Variants in CXCL13 observed in about 807,000 individuals in gnomAD.
CXCL13 encodes C-X-C motif chemokine 13.
A neutral mutation model predicts 12.2 loss-of-function variants in CXCL13; 7 were observed. The ratio of observed to expected loss-of-function variants is 0.57; its 90% CI spans 0.33 to 1.07. The LOEUF (loss-of-function observed/expected upper bound fraction) is 1.07, where lower values mean the gene tolerates loss of function less well. Ranked by LOEUF, CXCL13 falls within the 50% of genes least tolerant of loss-of-function variation. The probability of loss-of-function intolerance (pLI) is 0.04; values close to 1 mark genes in which losing one functional copy is unlikely to be tolerated. For synonymous variants in CXCL13, 47 were observed against 42.4 expected (o/e 1.11, Z -0.42); for missense variants, 113 against 127.4 (o/e 0.89, Z 0.55).
chr4:77,553,844 A>C (rs945344170), intron 1 of CXCL13, among the ~76,000 whole-genome samples: 5 of 152,164 alleles, frequency 3.3e-5, no homozygotes, highest in Non-Finnish European at 5.9e-5. Flanking sequence ...GCAAAATCCA[A>C]ATATGTAGGA....
At chr4:77,560,142 G>C (rs1369941607) in intron 1 of CXCL13, among the ~76,000 whole-genome samples, 1 of 152,092 alleles carries the variant, frequency 6.6e-6, no homozygotes, top group Non-Finnish European at 1.5e-5. Flanking sequence ...GCCAGGCCCT[G>C]TGCAAGGGTA....
chr4:77,517,511 T>C (rs1458756876), intron 1 of CXCL13, among the ~76,000 whole-genome samples: 1 of 152,220 alleles, frequency 6.6e-6, no homozygotes, highest in African/African-American at 2.4e-5. Flanking sequence ...TGCATATATA[T>C]TTAGGATAGT....
intron 1 of CXCL13, among the ~76,000 whole-genome samples, chr4:77,533,840 G>A (rs571178864): frequency 1.3e-5 from 2 of 152,180 alleles, no homozygotes; most frequent in Non-Finnish European, 2.9e-5. Context: ...AGCCATGCAC[G>A]GGATATAATC....
intron 1 of CXCL13, among the ~76,000 whole-genome samples, chr4:77,538,877 G>A (rs777511170): frequency 2.0e-5 from 3 of 152,146 alleles, no homozygotes; most frequent in African/African-American, 2.4e-5. Context: ...TGGGTCTGTA[G>A]CAACCTCAAT....
intron 1 of CXCL13, among the ~76,000 whole-genome samples, chr4:77,570,760 G>A (rs530749377): frequency 1.6e-4 from 25 of 152,226 alleles, no homozygotes; most frequent in Non-Finnish European, 2.5e-4. Flanking sequence ...TAGTCAGAGC[G>A]GTCGGCCGGC....
chr4:77,577,993 A>T (rs975864711), intron 1 of CXCL13, among the ~76,000 whole-genome samples: 8 of 152,152 alleles, frequency 5.3e-5, no homozygotes, highest in African/African-American at 1.9e-4. Context: ...CCTCAGATGC[A>T]TCCTCCAAAC....
intron 1 of CXCL13, among the ~76,000 whole-genome samples, chr4:77,542,381 C>T (rs1448436377): frequency 1.3e-5 from 2 of 151,986 alleles, no homozygotes; most frequent in African/African-American, 4.8e-5. Context: ...GAGGTATATT[C>T]CTTTGATACC....
intron 1 of CXCL13, among the ~76,000 whole-genome samples, chr4:77,549,320 C>G (rs1725451839): frequency 6.6e-6 from 1 of 152,222 alleles, no homozygotes; most frequent in African/African-American, 2.4e-5. Context: ...TACCAATCTT[C>G]TGAAGCCTAG....
chr4:77,553,589 C>T (rs1472000354), intron 1 of CXCL13, among the ~76,000 whole-genome samples: 2 of 152,216 alleles, frequency 1.3e-5, no homozygotes, highest in African/African-American at 4.8e-5. Flanking sequence ...CTCTCTGCCT[C>T]TCTTGTGTAC....
chr4:77,513,364 T>C (rs1192003375), intron 1 of CXCL13, among the ~76,000 whole-genome samples: 1 of 152,148 alleles, frequency 6.6e-6, no homozygotes, highest in East Asian at 1.9e-4. Context: ...CACACTGTCT[T>C]CCACAATGGT....
chr4:77,593,599 A>G (rs1434198171), intron 1 of CXCL13, among the ~76,000 whole-genome samples: 2 of 152,250 alleles, frequency 1.3e-5, no homozygotes, highest in African/African-American at 4.8e-5. Flanking sequence ...CATTTTATTA[A>G]GCACTTTCGC....
intron 2 of CXCL13, among the ~76,000 whole-genome samples, chr4:77,609,649 A>C (rs1355025968): frequency 6.6e-6 from 1 of 152,148 alleles, no homozygotes; most frequent in Non-Finnish European, 1.5e-5. Context: ...CATATAAGGA[A>C]ATTGTGTTTT....
chr4:77,586,069 A>C (rs1245200756), intron 1 of CXCL13, among the ~76,000 whole-genome samples: 1 of 152,176 alleles, frequency 6.6e-6, no homozygotes, highest in Non-Finnish European at 1.5e-5. Flanking sequence ...TTGTGTGATG[A>C]CTTGTAAAAA....
intron 1 of CXCL13, among the ~76,000 whole-genome samples, chr4:77,519,258 G>T (rs1485863833): frequency 6.6e-6 from 1 of 152,186 alleles, no homozygotes; most frequent in Non-Finnish European, 1.5e-5. Context: ...GGACCCACTT[G>T]AGGCAGTCTG....
At chr4:77,541,240 A>G (rs1383730658) in intron 1 of CXCL13, among the ~76,000 whole-genome samples, 1 of 152,134 alleles carries the variant, frequency 6.6e-6, no homozygotes, top group Admixed American at 6.6e-5. Flanking sequence ...TTTGCTGTGC[A>G]GAAGCTCTTT....
chr4:77,602,637 T>C (rs1401158840), upstream of CXCL13, among the ~76,000 whole-genome samples: 1 of 150,612 alleles, frequency 6.6e-6, no homozygotes, highest in Non-Finnish European at 1.5e-5. Context: ...GATTCCAAAG[T>C]GAAGCAAAAA....
chr4:77,601,882 G>A (rs1726886595), upstream of CXCL13, among the ~76,000 whole-genome samples: 1 of 152,188 alleles, frequency 6.6e-6, no homozygotes. Context: ...GATACAAACC[G>A]AGCCAGTCTG....
intron 1 of CXCL13, among the ~76,000 whole-genome samples, chr4:77,573,528 GT>G (rs1030780101): frequency 6.6e-6 from 1 of 151,580 alleles, no homozygotes; most frequent in Non-Finnish European, 1.5e-5. Flanking sequence ...CATTTTTCAA[GT>G]TCACATGACT....
chr4:77,530,497 G>C (rs1724883753), intron 1 of CXCL13, among the ~76,000 whole-genome samples: 1 of 152,110 alleles, frequency 6.6e-6, no homozygotes, highest in Admixed American at 6.5e-5. Context: ...TCCTGGTTTA[G>C]TCTTGTGAGG....
Sources: gnomAD v4.1 joint callset for allele counts (sites outside exome capture counted in the v4.1 genomes callset) on GRCh38, gnomAD v4.1.1 for gene constraint, MANE v1.5 for transcripts, NCBI Gene and HGNC (gene_info 2026-07-23, HGNC 2026-07-21) for gene names.